The following MCTP1 variants were observed in gnomAD, a reference collection of about 807,000 sequenced individuals.
MCTP1 encodes the protein multiple C2 and transmembrane domain containing 1, also known as multiple C2 and transmembrane domain-containing protein 1.
Under a neutral mutation model 120.6 loss-of-function variants are expected in MCTP1, and 69 were observed. The observed-to-expected ratio is 0.57, with a 90% CI of 0.47 to 0.70. The LOEUF (loss-of-function observed/expected upper bound fraction) is 0.70, where lower values mean the gene tolerates loss of function less well. Ranked by LOEUF, MCTP1 falls within the 30% of genes least tolerant of loss-of-function variation. The pLI, the probability that MCTP1 is intolerant of heterozygous loss-of-function variation, is 0.00. For missense variants in MCTP1, 1,203 were observed against 1,248.8 expected (o/e 0.96, Z 0.55); for synonymous variants, 529 against 493.1 (o/e 1.07, Z -0.96).
At chr5:95,167,503 A>G (rs111846186) in intron 1 of MCTP1, among the ~76,000 whole-genome samples, 1,650 of 152,090 alleles carry the variant, frequency 0.011, 33 homozygotes, top group African/African-American at 0.036. Flanking sequence ...CACAATGGTC[A>G]AACTAGTTTA....
chr5:94,872,575 G>A (rs1276855063), intron 13 of MCTP1, among the ~76,000 whole-genome samples: 1 of 152,096 alleles, frequency 6.6e-6, no homozygotes, highest in African/African-American at 2.4e-5. Flanking sequence ...GAACTTAGGA[G>A]TTACTATAGT....
At chr5:94,923,244 T>C (rs542328968) in intron 7 of MCTP1, among the ~76,000 whole-genome samples, 1 of 152,252 alleles carries the variant, frequency 6.6e-6, no homozygotes, top group Admixed American at 6.5e-5. Context: ...GTAATATCTA[T>C]TGTTACATTA....
intron 1 of MCTP1, among the ~76,000 whole-genome samples, chr5:95,108,728 T>C (rs890588992): frequency 6.6e-6 from 1 of 152,232 alleles, no homozygotes; most frequent in Admixed American, 6.5e-5. Context: ...GTAATATCCA[T>C]CAATACCCAT....
chr5:95,261,872 G>A (rs890857736), intron 1 of MCTP1, among the ~76,000 whole-genome samples: 1 of 152,240 alleles, frequency 6.6e-6, no homozygotes, highest in Admixed American at 6.5e-5. Context: ...AGAAGGAGAA[G>A]TTAACCCACA....
chr5:94,773,061 C>T (rs1357331019), intron 19 of MCTP1, among the ~76,000 whole-genome samples: 1 of 152,130 alleles, frequency 6.6e-6, no homozygotes, highest in Non-Finnish European at 1.5e-5. Context: ...AGTGAGTGGG[C>T]TATCAGTTCA....
chr5:94,972,075 T>C (rs915996792), intron 2 of MCTP1, among the ~76,000 whole-genome samples: 4 of 152,140 alleles, frequency 2.6e-5, no homozygotes, highest in African/African-American at 9.7e-5. Context: ...CTCTCTGCCT[T>C]CCTTCAAACC....
chr5:94,964,586 C>A (rs748445585), intron 2 of MCTP1, among the ~76,000 whole-genome samples: 1 of 152,176 alleles, frequency 6.6e-6, no homozygotes, highest in Admixed American at 6.5e-5. Context: ...GAACTGACAC[C>A]TTTATCATTA....
intron 5 of MCTP1, among the ~76,000 whole-genome samples, chr5:94,933,041 G>GT (rs1008164061): frequency 2.6e-5 from 4 of 151,796 alleles, no homozygotes; most frequent in African/African-American, 9.7e-5. Flanking sequence ...TAAGACTAGC[G>GT]TAACATTTTC....
At chr5:95,134,074 C>A (rs894752520) in intron 1 of MCTP1, among the ~76,000 whole-genome samples, 2 of 152,188 alleles carry the variant, frequency 1.3e-5, no homozygotes, top group Non-Finnish European at 2.9e-5. Flanking sequence ...TTGTTCTACT[C>A]TTTAATTACC....
intron 8 of MCTP1, among the ~76,000 whole-genome samples, chr5:94,915,399 A>C (rs1809785748): frequency 6.6e-6 from 1 of 152,204 alleles, no homozygotes; most frequent in Non-Finnish European, 1.5e-5. Context: ...GGTACTCTCC[A>C]CTTAAGTGGC....
chr5:94,855,453 AG>A (rs1342243512), intron 17 of MCTP1, among the ~76,000 whole-genome samples: 1 of 151,840 alleles, frequency 6.6e-6, no homozygotes, highest in African/African-American at 2.4e-5. Context: ...TAAAGGTCAA[AG>A]GGCATTTGAC....
At chr5:95,044,274 C>G (rs1842810468) in intron 1 of MCTP1, among the ~76,000 whole-genome samples, 1 of 152,214 alleles carries the variant, frequency 6.6e-6, no homozygotes, top group Non-Finnish European at 1.5e-5. Context: ...ATCCAGCTGG[C>G]ATTCTGCCAT....
At chr5:95,228,110 C>T (rs913992746) in intron 1 of MCTP1, among the ~76,000 whole-genome samples, 43 of 151,904 alleles carry the variant, frequency 2.8e-4, no homozygotes, top group African/African-American at 1.0e-3. Context: ...CAGAGATAAC[C>T]TCAGGAATAA....
At chr5:95,083,969 A>T (rs1755235715) in intron 1 of MCTP1, among the ~76,000 whole-genome samples, 1 of 152,196 alleles carries the variant, frequency 6.6e-6, no homozygotes, top group Admixed American at 6.5e-5. Flanking sequence ...TCCCTAAAAG[A>T]TGTTAAGCAG....
intron 1 of MCTP1, among the ~76,000 whole-genome samples, chr5:95,025,299 C>T (rs940316702): frequency 3.3e-5 from 5 of 151,978 alleles, no homozygotes; most frequent in African/African-American, 1.2e-4. Flanking sequence ...ATAGAGGTGT[C>T]AAGAATACAC....
chr5:94,907,927 A>G (rs1483809969), intron 10 of MCTP1, among the ~76,000 whole-genome samples: 3 of 152,138 alleles, frequency 2.0e-5, no homozygotes, highest in Admixed American at 2.0e-4. Context: ...AGGTTGAAGT[A>G]GCAAGTTACA....
rs183247556 is a variant in MCTP1, at chr5:94,730,106, C to A, written c.2611-15220G>T. On this transcript the variant is annotated intron_variant, in intron 19 of 22. Transcript: ENST00000515393. ...ATATTACTAGATTGAATGTGGAAACCAAGAAAAACAGAAATCAGAGAATTG... is the reference window on the plus strand; with the variant it reads ...ATATTACTAGATTGAATGTGGAAACAAAGAAAAACAGAAATCAGAGAATTG... Among the ~76,000 whole-genome samples, 12 of 151,790 alleles carry A rather than the reference C, an allele frequency of 7.9e-5. No individual in the cohort carries two copies. In the East Asian group the frequency reaches 2.3e-3, roughly 30 times the overall value.
Position 95,268,135 on chromosome 5 carries a change from G to C in MCTP1, c.720+15721C>G, listed in dbSNP as rs145333539. On this transcript the variant is annotated intron_variant, in intron 1 of 22. Transcript: ENST00000515393. ...TGATTCAGTTATCACAATTGTAATT[G>C]GTAACAATTTGCATATTTTTTAATG... Among the ~76,000 whole-genome samples, 603 of 152,278 alleles carry C rather than the reference G, an allele frequency of 4.0e-3. 4 individuals carry two copies. The highest frequency in any genetic ancestry group is 0.014 in the African/African-American group (568 of 41,558).
intron 1 of MCTP1, among the ~76,000 whole-genome samples, chr5:95,213,596 C>A (rs1376050233): frequency 6.6e-6 from 1 of 151,786 alleles, no homozygotes; most frequent in Non-Finnish European, 1.5e-5. Context: ...AGGCATCACA[C>A]TACCTGACTT....
Sources: allele counts gnomAD v4.1 joint callset (sites outside exome capture counted in the v4.1 genomes callset), GRCh38; gene constraint gnomAD v4.1.1; transcripts MANE v1.5; gene names NCBI Gene and HGNC (gene_info 2026-07-23, HGNC 2026-07-21).